The following ABCA13 variants were observed in gnomAD, a reference collection of about 807,000 sequenced individuals.
ABCA13 encodes ATP-binding cassette sub-family A member 13.
ABCA13 carries 476 observed loss-of-function variants against 478.7 expected under a neutral mutation model. That is an observed-to-expected ratio of 0.99 (90% CI 0.92 to 1.07). The LOEUF (loss-of-function observed/expected upper bound fraction) is 1.07. Ranked by LOEUF, ABCA13 falls within the 50% of genes least tolerant of loss-of-function variation. ABCA13 has a pLI of 0.00. For synonymous variants in ABCA13, 2,252 were observed against 2,158.9 expected, an observed-to-expected ratio of 1.04 and a Z score of -1.20; for missense variants, 6,060 against 5,910.6, an observed-to-expected ratio of 1.03 and a Z score of -0.83.
At position 48,412,542 on chromosome 7, in the gene ABCA13, C is replaced by T. The variant is rs776061150; in HGVS notation, c.12418C>T (p.His4140Tyr). The change falls in exon 41 of 62, where the codon CAC becomes TAC. Residue 4140 changes from histidine to tyrosine, a missense_variant. Around this residue, in one of 3 missense-constraint regions of ABCA13, gnomAD observed 1,627 missense variants for 1,571.0 expected, o/e 1.04. Transcript: ENST00000435803. ...QALDENLHQL[H>Y]LTGYGISDTT... is the part of the protein sequence containing the mutation. Reference sequence around the variant, plus strand: ...CCTGGATGAGAACCTGCATCAGCTGCACCTGACGGGCTATGGGATCTCAGA... The same window carrying T: ...CCTGGATGAGAACCTGCATCAGCTGTACCTGACGGGCTATGGGATCTCAGA... 1 of 1,612,920 alleles carries T rather than the reference C, an allele frequency of 6.2e-7. No individual in the cohort carries two copies. The highest frequency in any genetic ancestry group is 1.1e-5 in the South Asian group (1 of 90,948).
chr7:48,434,545 T>G (rs1350630611), intron 42 of ABCA13, among the ~76,000 whole-genome samples: 2 of 151,994 alleles, frequency 1.3e-5, no homozygotes, highest in African/African-American at 4.8e-5. Flanking sequence ...GTTGTTGTTG[T>G]TGCCTGTGCT....
At chr7:48,616,136 G>A (rs778652624) in intron 59 of ABCA13, among the ~76,000 whole-genome samples, 7 of 152,044 alleles carry the variant, frequency 4.6e-5, no homozygotes, top group Non-Finnish European at 7.4e-5. Context: ...TTTATTCAGT[G>A]TTTTTAAGGT....
rs925242651 is a variant in ABCA13, at chr7:48,412,321, C to T, written c.12229-32C>T. 3.9e-6 allele frequency: 6 copies of T among 1,539,694 alleles called. No individual in the cohort carries two copies. In the African/African-American group the frequency reaches 8.2e-5, roughly 21 times the overall value. On this transcript the variant is annotated intron_variant, in intron 40 of 61. Transcript: ENST00000435803. ...TGTATATATGGATTAACATTCCTTA[C>T]TGGCTTCTTTTTTCCTTTTTTTTAT...
intron 56 of ABCA13, 83 bp downstream of exon 56, chr7:48,580,457 C>A: frequency 7.1e-7 from 1 of 1,398,952 alleles, no homozygotes; most frequent in Non-Finnish European, 9.8e-7. Context: ...GCAGCTCTCT[C>A]ACCCTATGAG....
chr7:48,329,001 G>A (rs966222179), intron 27 of ABCA13, among the ~76,000 whole-genome samples: 6 of 152,110 alleles, frequency 3.9e-5, no homozygotes, highest in African/African-American at 7.2e-5. Flanking sequence ...ACAGCTATTC[G>A]CACATGCAAA....
rs557668906 is a variant in ABCA13 at position 48,412,555 on chromosome 7, A to G, written c.12431A>G (p.Tyr4144Cys). The G allele has an allele frequency of 1.6e-5, 25 of 1,611,586 alleles. No individual in the cohort carries two copies. The highest frequency in any genetic ancestry group is 1.5e-4 in the Admixed American group (9 of 59,720). ...ENLHQLHLTG[Y>C]GISDTTLEEV... Reference sequence around the variant, plus strand: ...CTGCATCAGCTGCACCTGACGGGCTATGGGATCTCAGACACCACCTTAGAA... The same window carrying G: ...CTGCATCAGCTGCACCTGACGGGCTGTGGGATCTCAGACACCACCTTAGAA... Residue 4144 changes from tyrosine (Y) to cysteine (C), a missense_variant, in exon 41 of 62, where the codon TAT becomes TGT. By Grantham distance (194) the Tyr-to-Cys change is radical. Transcript: ENST00000435803.
intron 59 of ABCA13, among the ~76,000 whole-genome samples, chr7:48,618,635 TGGAA>T (rs1020112209): frequency 1.3e-5 from 2 of 152,040 alleles, no homozygotes; most frequent in African/African-American, 4.8e-5. Flanking sequence ...TGATTTCTAT[TGGAA>T]GGAAGGGGTG....
intron 31 of ABCA13, among the ~76,000 whole-genome samples, chr7:48,356,509 A>G (rs1414570021): frequency 6.6e-6 from 1 of 151,844 alleles, no homozygotes; most frequent in Non-Finnish European, 1.5e-5. Flanking sequence ...AGAGACCTCA[A>G]CAAGTGGAGA....
chr7:48,619,968 A>C (rs1200451530), intron 59 of ABCA13, among the ~76,000 whole-genome samples: 1 of 152,114 alleles, frequency 6.6e-6, no homozygotes, highest in African/African-American at 2.4e-5. Context: ...GCAATAACTT[A>C]AGGGTTGCCT....
chr7:48,200,370 CA>C (rs1036900945), intron 3 of ABCA13, among the ~76,000 whole-genome samples: 4 of 151,732 alleles, frequency 2.6e-5, no homozygotes, highest in South Asian at 4.2e-4. Flanking sequence ...CATTCTCAAA[CA>C]AAAAAAACCC....
At chr7:48,244,093 G>A (rs1215056482) in intron 10 of ABCA13, among the ~76,000 whole-genome samples, 1 of 152,106 alleles carries the variant, frequency 6.6e-6, no homozygotes, top group African/African-American at 2.4e-5. Flanking sequence ...TATTTGTATT[G>A]AGCTGCCTGG....
At chr7:48,474,867 A>G (rs1827908383) in intron 45 of ABCA13, among the ~76,000 whole-genome samples, 1 of 152,224 alleles carries the variant, frequency 6.6e-6, no homozygotes. Context: ...GTGGGTAAAT[A>G]TCAGAATGAT....
rs73097201 is a variant in ABCA13 at position 48,354,872 on chromosome 7, G to A, written c.10688+2385G>A. On this transcript the variant is annotated intron_variant, in intron 31 of 61. Coordinates refer to ENST00000435803, the MANE Select transcript of ABCA13 (RefSeq NM_152701.5). ...ACTTGAGTAAAAATCCTAAAGCACA[G>A]TTTGTACTGTAGACAATGTTTGTTA... Among the ~76,000 whole-genome samples, 418 of 151,976 alleles carry A rather than the reference G, an allele frequency of 2.8e-3. 8 individuals are homozygous for A. The highest frequency in any genetic ancestry group is 9.7e-3 in the African/African-American group (401 of 41,318).
chr7:48,578,993 G>C (rs909363044), intron 55 of ABCA13, among the ~76,000 whole-genome samples: 12 of 152,264 alleles, frequency 7.9e-5, no homozygotes, highest in African/African-American at 2.6e-4. Flanking sequence ...AACTCCAAGT[G>C]GATCTATGAC....
intron 59 of ABCA13, among the ~76,000 whole-genome samples, chr7:48,617,205 C>A (rs1012763446): frequency 6.6e-6 from 1 of 152,090 alleles, no homozygotes; most frequent in Non-Finnish European, 1.5e-5. Flanking sequence ...GGCATCCATA[C>A]CTGGGAGTTA....
At position 48,248,250 on chromosome 7, in the gene ABCA13, G is replaced by C. The variant is rs949713756; in HGVS notation, c.1671G>C (p.Leu557Phe). The C allele has an allele frequency of 7.4e-6, 12 of 1,612,750 alleles. No homozygotes were observed. The highest frequency in any genetic ancestry group is 1.0e-5 in the Non-Finnish European group (12 of 1,179,072). ...CTTTTCTTGTTAAGGATCGTATTTTGCAAGAGGTCATTACTTGGCACAAAA... is the reference window on the plus strand; with the variant it reads ...CTTTTCTTGTTAAGGATCGTATTTTCCAAGAGGTCATTACTTGGCACAAAA... ...LGSVEDADRI[L>F]QEVITWHKNM... The change falls in exon 14 of 62, where the codon TTG becomes TTC. Residue 557 changes from leucine (L) to phenylalanine (F), a missense_variant. Around this residue, in one of 3 missense-constraint regions of ABCA13, gnomAD observed 4,423 missense variants for 4,309.1 expected, o/e 1.03. Coordinates refer to ENST00000435803, the MANE Select transcript of ABCA13 (RefSeq NM_152701.5).
At chr7:48,456,984 C>T (rs1051128770) in intron 43 of ABCA13, among the ~76,000 whole-genome samples, 2 of 151,950 alleles carry the variant, frequency 1.3e-5, no homozygotes, top group African/African-American at 4.8e-5. Context: ...TGCCAATTAA[C>T]AGTCTTATAA....
At chr7:48,603,227 C>T (rs1791099709) in intron 58 of ABCA13, among the ~76,000 whole-genome samples, 1 of 152,178 alleles carries the variant, frequency 6.6e-6, no homozygotes, top group Non-Finnish European at 1.5e-5. Context: ...TTATTTCTTT[C>T]TCTTGCCTGA....
chr7:48,299,048 AC>A (rs1309126589), intron 23 of ABCA13, among the ~76,000 whole-genome samples: 1 of 152,158 alleles, frequency 6.6e-6, no homozygotes, highest in Admixed American at 6.5e-5. Flanking sequence ...GATGAGTAAC[AC>A]ATACGGGCCA....
Sources: allele counts gnomAD v4.1 joint callset (sites outside exome capture counted in the v4.1 genomes callset), GRCh38; gene constraint gnomAD v4.1.1; regional missense constraint gnomAD v4.1.1; transcripts MANE v1.5; gene names NCBI Gene and HGNC (gene_info 2026-07-23, HGNC 2026-07-21).